The following PITPNC1 variants were observed in gnomAD, a reference collection of about 807,000 sequenced individuals.
PITPNC1 encodes the protein cytoplasmic phosphatidylinositol transfer protein 1.
Under a neutral mutation model 44.7 loss-of-function variants are expected in PITPNC1, and 18 were observed. That is an observed-to-expected ratio of 0.40 (90% CI 0.28 to 0.60). The LOEUF (loss-of-function observed/expected upper bound fraction) is 0.60. Ranked by LOEUF, PITPNC1 falls within the 20% of genes least tolerant of loss-of-function variation. The pLI, the probability that PITPNC1 is intolerant of heterozygous loss-of-function variation, is 0.39. For missense variants in PITPNC1, 290 were observed against 418.4 expected, an observed-to-expected ratio of 0.69 and a Z score of 2.68; for synonymous variants, 141 against 149.6, an observed-to-expected ratio of 0.94 and a Z score of 0.42.
chr17:67,396,358 T>A (rs564880120), intron 1 of PITPNC1, among the ~76,000 whole-genome samples: 2 of 152,284 alleles, frequency 1.3e-5, no homozygotes, highest in East Asian at 3.9e-4. Context: ...ATCTTATTTT[T>A]TATTTTTATT....
chr17:67,557,166 G>A (rs150429449), intron 4 of PITPNC1, among the ~76,000 whole-genome samples: 123 of 152,232 alleles, frequency 8.1e-4, no homozygotes, highest in African/African-American at 2.7e-3. Context: ...TGGTAAGCAC[G>A]TGGCCATCTT....
chr17:67,502,444 A>G (rs1162845869), intron 1 of PITPNC1, among the ~76,000 whole-genome samples: 1 of 152,132 alleles, frequency 6.6e-6, no homozygotes. Context: ...AGGAGATTGG[A>G]AAATTTAGGA....
intron 1 of PITPNC1, among the ~76,000 whole-genome samples, chr17:67,486,237 G>A (rs1296987630): frequency 2.6e-5 from 4 of 152,074 alleles, no homozygotes; most frequent in South Asian, 2.1e-4. Flanking sequence ...TTGAAATAGA[G>A]TATATTATCT....
chr17:67,665,590 G>A (rs1466031885), intron 6 of PITPNC1, among the ~76,000 whole-genome samples: 2 of 152,202 alleles, frequency 1.3e-5, no homozygotes, highest in African/African-American at 4.8e-5. Context: ...GCCAATGCTT[G>A]TTATTGTGAA....
chr17:67,523,039 C>T (rs1408519291), intron 1 of PITPNC1, among the ~76,000 whole-genome samples: 3 of 152,128 alleles, frequency 2.0e-5, no homozygotes. Context: ...AAACCATCAT[C>T]ACCATCTACC....
chr17:67,620,210 C>T (rs536460623), intron 5 of PITPNC1, among the ~76,000 whole-genome samples: 1 of 152,166 alleles, frequency 6.6e-6, no homozygotes, highest in East Asian at 1.9e-4. Flanking sequence ...CTTGCCACCA[C>T]ACCTGACGAA....
At position 67,692,731 on chromosome 17, in the gene PITPNC1, C is replaced by T; in HGVS notation, c.842C>T (p.Ser281Phe). 6.2e-7 allele frequency: 1 copy of T among 1,613,946 alleles called. No homozygotes were observed. Among genetic ancestry groups the T allele is most frequent in the Admixed American group, 1.7e-5 (1 of 59,996 alleles). The change falls in exon 9 of 9, where the codon TCC becomes TTC. Residue 281 changes from serine to phenylalanine, a missense_variant. Coordinates refer to ENST00000581322, the MANE Select transcript of PITPNC1 (RefSeq NM_012417.4). ...TCTAGTGCTCCATCCACCCCTCTCT[C>T]CACAGACGCACCCGAATTTCTGTCC... ...APSSAPSTPL[S>F]TDAPEFLSVP...
At chr17:67,435,360 T>C (rs1308052429) in intron 1 of PITPNC1, among the ~76,000 whole-genome samples, 3 of 152,184 alleles carry the variant, frequency 2.0e-5, no homozygotes. Context: ...TCCGGGGCCA[T>C]TGTAGGCATT....
At chr17:67,643,396 G>C (rs1255338772) in intron 6 of PITPNC1, among the ~76,000 whole-genome samples, 1 of 151,962 alleles carries the variant, frequency 6.6e-6, no homozygotes, top group Non-Finnish European at 1.5e-5. Context: ...AAAAAAGAAA[G>C]AAAGAAAGAA....
At chr17:67,631,791 ACTC>A (rs2041975621) in intron 5 of PITPNC1, among the ~76,000 whole-genome samples, 1 of 146,544 alleles carries the variant, frequency 6.8e-6, no homozygotes, top group South Asian at 2.2e-4. Flanking sequence ...CAACCTCTTT[ACTC>A]CTCCTGTTCA....
chr17:67,655,341 G>A lies in PITPNC1; in HGVS notation c.463-14167G>A, dbSNP rs141614603. Reference sequence around the variant, plus strand: ...TGGGAGGCCAAGATGAGCGGATCACGAGGTCAGGAGATCAAGACCATCCTG... The same window carrying A: ...TGGGAGGCCAAGATGAGCGGATCACAAGGTCAGGAGATCAAGACCATCCTG... On this transcript the variant is annotated intron_variant, in intron 6 of 8. Coordinates refer to ENST00000581322, the MANE Select transcript of PITPNC1 (RefSeq NM_012417.4). Among the ~76,000 whole-genome samples, 403 of 151,812 alleles carry A rather than the reference G, an allele frequency of 2.7e-3. 2 individuals are homozygous for A. Among genetic ancestry groups the A allele is most frequent in the African/African-American group, 9.4e-3 (390 of 41,404 alleles).
chr17:67,455,544 A>G (rs12940446), intron 1 of PITPNC1, among the ~76,000 whole-genome samples: 36,360 of 151,936 alleles, frequency 0.24, 4,449 homozygotes, highest in Admixed American at 0.25. Context: ...CCTCAGCGCC[A>G]GAGTAGCTGA....
At chr17:67,639,503 T>C (rs2042069538) in intron 6 of PITPNC1, among the ~76,000 whole-genome samples, 1 of 151,914 alleles carries the variant, frequency 6.6e-6, no homozygotes, top group Admixed American at 6.7e-5. Flanking sequence ...ATAGGGGAAA[T>C]TTGCAATTGT....
chr17:67,669,542 G>A lies in PITPNC1; in HGVS notation c.497G>A (p.Arg166Gln), dbSNP rs1235023131. 6 of 1,610,288 alleles carry A rather than the reference G, an allele frequency of 3.7e-6. No homozygotes were observed. Among genetic ancestry groups the A allele is most frequent in the Non-Finnish European group, 5.1e-6 (6 of 1,177,876 alleles). Residue 166 changes from arginine (R) to glutamine (Q), a missense_variant, in exon 7 of 9, where the codon CGG becomes CAG. By Grantham distance (43) the Arg-to-Gln change is conservative. Transcript: ENST00000581322. ...CACTTCAAGTCAGAGAAGACAGGAC[G>A]GGGACAGTTGAGGGAAGGCTGGAGA... ...PKHFKSEKTG[R>Q]GQLREGWRDS...
chr17:67,387,349 CCATCTACAATAGCTTTTTCCT>C (rs2038070309), intron 1 of PITPNC1, among the ~76,000 whole-genome samples: 1 of 152,106 alleles, frequency 6.6e-6, no homozygotes, highest in South Asian at 2.1e-4. Flanking sequence ...CCTGAACACT[CCATCTACAATAGCTTTTTCCT>C]CATCTAAATC....
chr17:67,600,304 G>A (rs1006598880), intron 5 of PITPNC1, among the ~76,000 whole-genome samples: 6 of 152,050 alleles, frequency 3.9e-5, no homozygotes, highest in Non-Finnish European at 5.9e-5. Flanking sequence ...ACTCAAAAAC[G>A]ACCCCGCAAA....
At chr17:67,670,922 G>A (rs1015085419) in intron 7 of PITPNC1, among the ~76,000 whole-genome samples, 1 of 151,792 alleles carries the variant, frequency 6.6e-6, no homozygotes. Flanking sequence ...TCACTCTGTC[G>A]CCAGGCTGGA....
At chr17:67,647,463 G>GTTTTTTTTTTTGT (rs1567757487) in intron 6 of PITPNC1, among the ~76,000 whole-genome samples, 11 of 90,596 alleles carry the variant, frequency 1.2e-4, no homozygotes, top group African/African-American at 5.5e-4. Context: ...GCTAATTTTG[G>GTTTTTTTTTTTGT]GTTTTTTTTT....
At chr17:67,470,689 C>G (rs1051958228) in intron 1 of PITPNC1, among the ~76,000 whole-genome samples, 1 of 152,148 alleles carries the variant, frequency 6.6e-6, no homozygotes, top group African/African-American at 2.4e-5. Context: ...GCCACCACCC[C>G]GTCTGGGAGG....
Sources: allele counts gnomAD v4.1 joint callset (sites outside exome capture counted in the v4.1 genomes callset), GRCh38; gene constraint gnomAD v4.1.1; transcripts MANE v1.5; gene names NCBI Gene and HGNC (gene_info 2026-07-23, HGNC 2026-07-21).